The following RNF150 variants were observed in gnomAD, a reference collection of about 807,000 sequenced individuals.
RNF150 encodes the protein ring finger protein 150.
A neutral mutation model predicts 39.3 loss-of-function variants in RNF150; 24 were observed. The ratio of observed to expected loss-of-function variants is 0.61; its 90% CI spans 0.44 to 0.86. RNF150 has a LOEUF of 0.86. Ranked by LOEUF, RNF150 falls within the 40% of genes least tolerant of loss-of-function variation. The probability of loss-of-function intolerance (pLI) is 0.00; values close to 1 mark genes in which losing one functional copy is unlikely to be tolerated. For synonymous variants in RNF150, 255 were observed against 227.3 expected (o/e 1.12, Z -1.10); for missense variants, 502 against 587.8 (o/e 0.85, Z 1.51).
At chr4:140,932,913 C>T (rs1236520743) in intron 4 of RNF150, among the ~76,000 whole-genome samples, 1 of 152,186 alleles carries the variant, frequency 6.6e-6, no homozygotes. Context: ...TGAGTAGATA[C>T]CCTCTGCTGA....
At chr4:141,191,621 C>T (rs1251843299) in intron 1 of RNF150, among the ~76,000 whole-genome samples, 1 of 152,110 alleles carries the variant, frequency 6.6e-6, no homozygotes, top group Non-Finnish European at 1.5e-5. Flanking sequence ...ATATATACTG[C>T]TTCATAAATA....
Position 141,027,936 on chromosome 4 carries a change from T to G in RNF150, c.485-60063A>C, listed in dbSNP as rs78020842. 1.4e-3 allele frequency among the ~76,000 whole-genome samples: 136 copies of G among 98,240 alleles called. 4 individuals carry two copies. Among genetic ancestry groups the G allele is most frequent in the East Asian group, 0.013 (21 of 1,586 alleles). The allele number at this position is 98,240 out of a possible 152,430, so 64.4% of individuals were successfully genotyped here. A position where few individuals can be genotyped will look rare whatever the true frequency, so the allele number is the denominator to read the frequency against. ...TGTTTTTTTTTTTTTGTTTTTTTTTTTTTTTTTTTTTTTTTTCAATCCTGC... is the reference window on the plus strand; with the variant it reads ...TGTTTTTTTTTTTTTGTTTTTTTTTGTTTTTTTTTTTTTTTTCAATCCTGC... On this transcript the variant is annotated intron_variant, in intron 1 of 6. Coordinates refer to ENST00000515673, the MANE Select transcript of RNF150 (RefSeq NM_020724.2).
intron 1 of RNF150, among the ~76,000 whole-genome samples, chr4:141,208,588 G>T (rs952316210): frequency 1.3e-5 from 2 of 152,126 alleles, no homozygotes; most frequent in Admixed American, 6.5e-5. Context: ...TTTCAATTTT[G>T]CTCTTTTTAC....
intron 1 of RNF150, among the ~76,000 whole-genome samples, chr4:140,971,502 A>C (rs934059409): frequency 6.6e-6 from 1 of 152,164 alleles, no homozygotes; most frequent in Non-Finnish European, 1.5e-5. Flanking sequence ...TCAGCCTACT[A>C]TCTATTTTCC....
intron 1 of RNF150, among the ~76,000 whole-genome samples, chr4:141,002,654 C>A (rs1734708275): frequency 1.3e-5 from 2 of 152,152 alleles, no homozygotes; most frequent in African/African-American, 2.4e-5. Flanking sequence ...CCGCTGCATG[C>A]ACCAAGAGAC....
chr4:141,027,912 G>GTTTTTTTTTTTTTTTTTT lies in RNF150; in HGVS notation c.485-60040_485-60039insAAAAAAAAAAAAAAAAAA. On this transcript the variant is annotated intron_variant, in intron 1 of 6. Coordinates refer to ENST00000515673, the MANE Select transcript of RNF150 (RefSeq NM_020724.2). The stretch of plus-strand genomic sequence containing the variant: ...TAGATAGTTAATGAGCTTGGAATTT[G>GTTTTTTTTTTTTTTTTTT]TTTTTTTTTTTTTGTTTTTTTTTTT... Among the ~76,000 whole-genome samples the GTTTTTTTTTTTTTTTTTT allele has an allele frequency of 7.4e-5, 2 of 27,100 alleles. 1 individual carries two copies. Among genetic ancestry groups the GTTTTTTTTTTTTTTTTTT allele is most frequent in the Non-Finnish European group, 1.7e-4 (2 of 11,594 alleles). 17.8% of individuals were successfully genotyped at this position (27,100 alleles called of 152,430 possible). A position where few individuals can be genotyped will look rare whatever the true frequency, so the allele number is the denominator to read the frequency against.
At chr4:141,057,830 C>A (rs746095278) in intron 1 of RNF150, among the ~76,000 whole-genome samples, 11 of 152,064 alleles carry the variant, frequency 7.2e-5, no homozygotes, top group South Asian at 2.1e-4. Flanking sequence ...AAGACCAAAC[C>A]CCATGTGCAG....
At chr4:140,910,583 C>G (rs545593939) in intron 6 of RNF150, among the ~76,000 whole-genome samples, 1 of 150,304 alleles carries the variant, frequency 6.7e-6, no homozygotes, top group Admixed American at 6.7e-5. Flanking sequence ...TTTAGTGTCT[C>G]TTGCAGATAT....
Position 140,949,282 on chromosome 4 carries a change from G to C in RNF150, c.807+19C>G, listed in dbSNP as rs1195374323. 2 of 1,594,648 alleles carry C rather than the reference G, an allele frequency of 1.3e-6. No homozygotes were observed. Among genetic ancestry groups the C allele is most frequent in the Admixed American group, 3.4e-5 (2 of 58,274 alleles). ...TCTTTGAATAGCTCCTCACCAAAAA[G>C]AAAAGAGGCTGCTATTACCTTGTCA... On this transcript the variant is annotated intron_variant, in intron 3 of 6. Coordinates refer to ENST00000515673, the MANE Select transcript of RNF150 (RefSeq NM_020724.2).
At chr4:141,146,253 C>A (rs1727199089) in intron 1 of RNF150, among the ~76,000 whole-genome samples, 1 of 152,174 alleles carries the variant, frequency 6.6e-6, no homozygotes, top group Non-Finnish European at 1.5e-5. Context: ...GAGCCTTTGA[C>A]CCTGTTTTCC....
chr4:140,978,399 T>C (rs1444498625), intron 1 of RNF150, among the ~76,000 whole-genome samples: 1 of 152,200 alleles, frequency 6.6e-6, no homozygotes, highest in Non-Finnish European at 1.5e-5. Flanking sequence ...TTCCTTAGAA[T>C]GGCTCTAGTA....
At chr4:140,956,732 G>C (rs1489797560) in intron 2 of RNF150, among the ~76,000 whole-genome samples, 1 of 152,130 alleles carries the variant, frequency 6.6e-6, no homozygotes, top group Non-Finnish European at 1.5e-5. Flanking sequence ...ACAGAACAGA[G>C]CCCTCAGAAA....
rs549186671 is a variant in RNF150 at position 141,014,707 on chromosome 4, G to A, written c.485-46834C>T. On this transcript the variant is annotated intron_variant, in intron 1 of 6. Transcript: ENST00000515673. The stretch of plus-strand genomic sequence containing the variant: ...CAGGTTGTTTTCTTGCTATTGAGTT[G>A]TTTGAATTCCTTATATCTTCTGGAT... Among the ~76,000 whole-genome samples the A allele has an allele frequency of 3.9e-5, 6 of 152,238 alleles. No homozygotes were observed. In the South Asian group the frequency reaches 1.2e-3, roughly 32 times the overall value.
At position 141,060,994 on chromosome 4, in the gene RNF150, C is replaced by T. The variant is rs115775111; in HGVS notation, c.484+71331G>A. 4.1e-3 allele frequency among the ~76,000 whole-genome samples: 616 copies of T among 151,970 alleles called. 4 individuals carry two copies. Among genetic ancestry groups the T allele is most frequent in the Non-Finnish European group, 7.5e-3 (508 of 67,966 alleles). The stretch of plus-strand genomic sequence containing the variant: ...CACACACTGGGGCCTTTTGCGGGGT[C>T]GGGGGCTAGGGAAGGGACAGTATTA... On this transcript the variant is annotated intron_variant, in intron 1 of 6. Coordinates refer to ENST00000515673, the MANE Select transcript of RNF150 (RefSeq NM_020724.2).
intron 1 of RNF150, among the ~76,000 whole-genome samples, chr4:141,192,073 C>G (rs1728119670): frequency 6.6e-6 from 1 of 152,172 alleles, no homozygotes; most frequent in African/African-American, 2.4e-5. Flanking sequence ...ATGGCTTCCT[C>G]TCTTACAGCA....
At chr4:141,014,179 T>C (rs1038280760) in intron 1 of RNF150, among the ~76,000 whole-genome samples, 1 of 152,208 alleles carries the variant, frequency 6.6e-6, no homozygotes, top group Non-Finnish European at 1.5e-5. Context: ...CACTCCCCCT[T>C]TAATGCTGAA....
chr4:141,125,074 C>A (rs974948081), intron 1 of RNF150, among the ~76,000 whole-genome samples: 7 of 152,076 alleles, frequency 4.6e-5, no homozygotes, highest in African/African-American at 1.7e-4. Flanking sequence ...AATTTATAAC[C>A]ACAAATGTGA....
intron 1 of RNF150, among the ~76,000 whole-genome samples, chr4:141,208,370 A>G (rs1192760133): frequency 6.6e-6 from 1 of 152,212 alleles, no homozygotes; most frequent in African/African-American, 2.4e-5. Context: ...CAAGGAAAAA[A>G]AAAGGCAAGA....
chr4:140,914,114 T>A (rs1348655816), intron 5 of RNF150, among the ~76,000 whole-genome samples: 1 of 152,234 alleles, frequency 6.6e-6, no homozygotes, highest in Admixed American at 6.5e-5. Flanking sequence ...TTTCTTAATT[T>A]TGATGCAGTT....
Sources: allele counts gnomAD v4.1 joint callset (sites outside exome capture counted in the v4.1 genomes callset), GRCh38; gene constraint gnomAD v4.1.1; transcripts MANE v1.5; gene names NCBI Gene and HGNC (gene_info 2026-07-23, HGNC 2026-07-21).